ZFAT: variants seen among roughly 807,000 people sequenced by gnomAD.
ZFAT encodes zinc finger and AT-hook domain containing, also known as zinc finger protein ZFAT.
Under a neutral mutation model 117.7 loss-of-function variants are expected in ZFAT, and 64 were observed. That is an observed-to-expected ratio of 0.54 (90% CI 0.44 to 0.67). The LOEUF (loss-of-function observed/expected upper bound fraction) is 0.67. ZFAT is among the 30% of genes least tolerant of loss of function. The pLI, the probability that ZFAT is intolerant of heterozygous loss-of-function variation, is 0.00. For missense variants in ZFAT, 1,433 were observed against 1,584.5 expected, an observed-to-expected ratio of 0.90 and a Z score of 1.62; for synonymous variants, 679 against 615.0, an observed-to-expected ratio of 1.10 and a Z score of -1.54.
At chr8:134,693,315 A>T (rs1285145807) in intron 1 of ZFAT, among the ~76,000 whole-genome samples, 3 of 152,230 alleles carry the variant, frequency 2.0e-5, no homozygotes, top group Admixed American at 2.0e-4. Context: ...CGCTGAAGGA[A>T]TACAAAGGCC....
chr8:134,616,525 A>G (rs1563680978), intron 3 of ZFAT, among the ~76,000 whole-genome samples: 1 of 152,148 alleles, frequency 6.6e-6, no homozygotes, highest in Non-Finnish European at 1.5e-5. Context: ...TCTTCAGTTC[A>G]CATGTATCAT....
At chr8:134,647,180 G>A (rs1390000653) in intron 2 of ZFAT, among the ~76,000 whole-genome samples, 5 of 152,002 alleles carry the variant, frequency 3.3e-5, no homozygotes, top group Non-Finnish European at 7.4e-5. Flanking sequence ...CCATGATAAC[G>A]AGGGTGTTAT....
intron 1 of ZFAT, among the ~76,000 whole-genome samples, chr8:134,669,156 G>C (rs995669962): frequency 6.6e-5 from 10 of 152,170 alleles, no homozygotes; most frequent in Admixed American, 2.0e-4. Flanking sequence ...GGGGAGAATG[G>C]AACCAAGGTG....
intron 15 of ZFAT, among the ~76,000 whole-genome samples, chr8:134,501,251 C>T (rs1818952884): frequency 6.6e-6 from 1 of 152,134 alleles, no homozygotes; most frequent in African/African-American, 2.4e-5. Context: ...GCTCTCGGTC[C>T]TGGAGATACG....
the ZFAT span, among the ~76,000 whole-genome samples, chr8:134,756,493 G>T: frequency 1.3e-5 from 2 of 152,196 alleles, no homozygotes; most frequent in African/African-American, 2.4e-5. Context: ...TCTCCAGCAC[G>T]GTGCTGTTTC....
At chr8:134,495,209 G>C (rs553920596) in intron 15 of ZFAT, among the ~76,000 whole-genome samples, 1 of 152,120 alleles carries the variant, frequency 6.6e-6, no homozygotes, top group Non-Finnish European at 1.5e-5. Flanking sequence ...TAGTTCTGGC[G>C]GCTAGAAGTC....
chr8:134,800,707 G>A, the ZFAT span: 1 of 350,424 alleles, frequency 2.9e-6, no homozygotes, highest in Non-Finnish European at 5.8e-6. Flanking sequence ...AATGAGGCAA[G>A]ACTCAATCGG....
At chr8:134,675,607 C>T (rs1385052360) in intron 1 of ZFAT, among the ~76,000 whole-genome samples, 1 of 152,134 alleles carries the variant, frequency 6.6e-6, no homozygotes, top group Non-Finnish European at 1.5e-5. Flanking sequence ...GCAGAGAACA[C>T]CCTAAGAATA....
intron 3 of ZFAT, among the ~76,000 whole-genome samples, chr8:134,633,663 G>A (rs1159120806): frequency 6.6e-6 from 1 of 152,216 alleles, no homozygotes. Flanking sequence ...CTCACAACCA[G>A]CTCCACCACA....
the ZFAT span, among the ~76,000 whole-genome samples, chr8:134,799,479 A>G: frequency 6.6e-6 from 1 of 152,256 alleles, no homozygotes; most frequent in African/African-American, 2.4e-5. Context: ...TTAAGTAAAG[A>G]CATGAAAATG....
At chr8:134,570,336 G>A (rs533416891) in intron 10 of ZFAT, among the ~76,000 whole-genome samples, 9 of 152,186 alleles carry the variant, frequency 5.9e-5, no homozygotes, top group Middle Eastern at 6.8e-3. Context: ...TTTCATATTT[G>A]TATTTTTATT....
the ZFAT span, chr8:134,792,520 TA>T: frequency 6.6e-6 from 1 of 152,226 alleles, no homozygotes; most frequent in Non-Finnish European, 1.5e-5. Flanking sequence ...TCAACTAATT[TA>T]AATAAAATTT....
intron 12 of ZFAT, 72 bp downstream of exon 12, chr8:134,532,762 C>T: frequency 6.4e-7 from 1 of 1,564,136 alleles, no homozygotes; most frequent in South Asian, 1.2e-5. Flanking sequence ...AGGATGTCAG[C>T]AGCTCTTCCC....
the ZFAT span, chr8:134,766,785 G>A: frequency 2.0e-5 from 3 of 152,302 alleles, no homozygotes; most frequent in African/African-American, 7.2e-5. Flanking sequence ...TAGGCAACTT[G>A]CCCACCATCA....
chr8:134,710,601 A>C (rs1323254853), intron 1 of ZFAT, among the ~76,000 whole-genome samples: 1 of 152,250 alleles, frequency 6.6e-6, no homozygotes, highest in East Asian at 1.9e-4. Flanking sequence ...CAGAAGTTTT[A>C]GAATTCCAGA....
At chr8:134,689,138 C>G (rs1462101640) in intron 1 of ZFAT, among the ~76,000 whole-genome samples, 2 of 152,200 alleles carry the variant, frequency 1.3e-5, no homozygotes, top group Non-Finnish European at 2.9e-5. Flanking sequence ...ATAATACACG[C>G]CCACCAGAGC....
At chr8:134,760,280 A>G in the ZFAT span, among the ~76,000 whole-genome samples, 433 of 129,450 alleles carry the variant, frequency 3.3e-3, 7 homozygotes, top group African/African-American at 0.011. Flanking sequence ...AAAGAAAAAA[A>G]AAAAAAAACA....
chr8:134,507,412 C>T lies in ZFAT; in HGVS notation c.3492+2207G>A, dbSNP rs184185165. 4.0e-4 allele frequency among the ~76,000 whole-genome samples: 61 copies of T among 152,200 alleles called. No homozygotes were observed. The East Asian group carries it at 6.2e-3, about 15-fold the overall frequency. On this transcript the variant is annotated intron_variant, in intron 15 of 15. Transcript: ENST00000377838. ...GTCATTTATCAACAGCCACCGTGAGCGAGGTGCGGGGCCAGGCAGACAAGA... is the reference window on the plus strand; with the variant it reads ...GTCATTTATCAACAGCCACCGTGAGTGAGGTGCGGGGCCAGGCAGACAAGA...
At chr8:134,486,297 C>G (rs944624480) in intron 15 of ZFAT, among the ~76,000 whole-genome samples, 4 of 152,162 alleles carry the variant, frequency 2.6e-5, no homozygotes. Context: ...GAACTGCCTT[C>G]ACTTCGGGAA....
Sources: gnomAD v4.1 joint callset for allele counts (sites outside exome capture counted in the v4.1 genomes callset) on GRCh38, gnomAD v4.1.1 for gene constraint, MANE v1.5 for transcripts, NCBI Gene and HGNC (gene_info 2026-07-23, HGNC 2026-07-21) for gene names.